Variants in INO80 observed in about 807,000 individuals in gnomAD.
The protein encoded by INO80 is chromatin-remodeling ATPase INO80.
Under a neutral mutation model 203.4 loss-of-function variants are expected in INO80, and 20 were observed. That is an observed-to-expected ratio of 0.10 (90% CI 0.07 to 0.14). The LOEUF is 0.14. Among genes scored for constraint, INO80 ranks in the 10% least tolerant of loss-of-function variants. INO80 has a pLI of 1.00. For synonymous variants in INO80, 726 were observed against 685.2 expected (o/e 1.06, Z -0.93); for missense variants, 1,419 against 1,914.4 (o/e 0.74, Z 4.83).
intron 21 of INO80, 130 bp downstream of exon 21, chr15:41,049,157 T>C (rs2044819266): frequency 8.4e-6 from 6 of 718,452 alleles, no homozygotes; most frequent in African/African-American, 5.5e-5. Flanking sequence ...CCTCAACAAA[T>C]AGTTGTCCAC....
chr15:41,047,303 G>T, intron 23 of INO80, 105 bp downstream of exon 23: 1 of 767,952 alleles, frequency 1.3e-6, no homozygotes, highest in Non-Finnish European at 2.1e-6. Flanking sequence ...TTAATGACAA[G>T]TTCTCTAAGA....
At chr15:41,043,609 C>T (rs1238377421) in intron 24 of INO80, among the ~76,000 whole-genome samples, 7 of 152,182 alleles carry the variant, frequency 4.6e-5, no homozygotes, top group South Asian at 2.1e-4. Context: ...AAAGAATGTC[C>T]TTCATTCTAC....
chr15:41,078,879 G>A (rs76666308), intron 9 of INO80, among the ~76,000 whole-genome samples: 7,563 of 152,216 alleles, frequency 0.05, 333 homozygotes, highest in East Asian at 0.22. Flanking sequence ...GGTGGCTCAC[G>A]CCTGTAATCT....
chr15:41,069,438 G>C (rs2045276959), intron 14 of INO80, 132 bp downstream of exon 14: 2 of 532,110 alleles, frequency 3.8e-6, no homozygotes, highest in East Asian at 6.6e-5. Context: ...CCAAAGTGCT[G>C]AGATTACAAG....
Position 41,031,912 on chromosome 15 carries a change from C to CCACAGCACAGCACAGCACAG in INO80, c.2908-4196_2908-4177dup, listed in dbSNP as rs1240339775. 1.0e-4 allele frequency among the ~76,000 whole-genome samples: 13 copies of CCACAGCACAGCACAGCACAG among 128,382 alleles called. 2 individuals are homozygous for CCACAGCACAGCACAGCACAG. The highest frequency in any genetic ancestry group is 2.4e-4 in the Admixed American group (3 of 12,720). 84.2% of individuals were successfully genotyped at this position (128,382 alleles called of 152,430 possible). A position where few individuals can be genotyped will look rare whatever the true frequency, so the allele number is the denominator to read the frequency against. On this transcript the variant is annotated intron_variant, in intron 24 of 35. Transcript: ENST00000648947. Reference sequence around the variant, plus strand: ...AGGCTCCATAGCTGCATACTCCTTGCCACAGCACAGCACAGCACAGCACAG... The same window carrying CCACAGCACAGCACAGCACAG: ...AGGCTCCATAGCTGCATACTCCTTGCCACAGCACAGCACAGCACAGCACAGCACAGCACAGCACAGCACAG...
intron 24 of INO80, among the ~76,000 whole-genome samples, chr15:41,036,253 G>A (rs2044574782): frequency 1.4e-5 from 2 of 147,342 alleles, no homozygotes; most frequent in African/African-American, 2.5e-5. Context: ...GAGATATCAA[G>A]TGTTTATTGT....
Position 41,095,843 on chromosome 15 carries a change from G to C in INO80, c.229C>G (p.Pro77Ala). Residue 77 changes from proline (P) to alanine (A), a missense_variant, in exon 3 of 36, where the codon CCA (proline) becomes GCA (alanine). Coordinates refer to ENST00000648947, the MANE Select transcript of INO80 (RefSeq NM_017553.3). ...GAAGTTTCACCAAGCAATGAATTTG[G>C]AGGTTCTTCCTTAACTTGTATTAAG... is the stretch of plus-strand genomic sequence containing the variant. ...DPLIQVKEEP[P>A]NSLLGETSGA... 6.2e-7 allele frequency: 1 copy of C among 1,614,066 alleles called. No individual in the cohort carries two copies. Among genetic ancestry groups the C allele is most frequent in the Non-Finnish European group, 8.5e-7 (1 of 1,179,956 alleles).
At chr15:41,093,516 C>T (rs1020605764) in intron 4 of INO80, among the ~76,000 whole-genome samples, 2 of 152,134 alleles carry the variant, frequency 1.3e-5, no homozygotes, top group African/African-American at 4.8e-5. Context: ...ACATTGTAAT[C>T]ATGGGTATAC....
At chr15:41,041,884 G>A (rs1008762766) in intron 24 of INO80, among the ~76,000 whole-genome samples, 18 of 149,482 alleles carry the variant, frequency 1.2e-4, no homozygotes, top group Admixed American at 2.0e-4. Context: ...ACTGAGGCTG[G>A]AGTACAGTGG....
intron 17 of INO80, 60 bp downstream of exon 17, chr15:41,056,562 C>T: frequency 8.0e-7 from 1 of 1,251,954 alleles, no homozygotes; most frequent in Non-Finnish European, 1.2e-6. Flanking sequence ...GAATTCTATG[C>T]TCTGCTGGAA....
chr15:41,115,035 T>C (rs1030116110), intron 1 of INO80, among the ~76,000 whole-genome samples: 4 of 152,220 alleles, frequency 2.6e-5, no homozygotes, highest in Non-Finnish European at 5.9e-5. Flanking sequence ...TTGAATCATA[T>C]TTCAATAAAG....
chr15:41,049,639 A>C (rs1364436998), intron 20 of INO80, among the ~76,000 whole-genome samples: 1 of 152,190 alleles, frequency 6.6e-6, no homozygotes, highest in African/African-American at 2.4e-5. Flanking sequence ...CTCACCCAGC[A>C]CTTTGGGAGG....
chr15:41,020,545 T>G (rs2044277531), intron 26 of INO80, among the ~76,000 whole-genome samples: 1 of 152,210 alleles, frequency 6.6e-6, no homozygotes, highest in Admixed American at 6.5e-5. Flanking sequence ...TGAGGCTTTC[T>G]GTGAGTGACG....
intron 11 of INO80, among the ~76,000 whole-genome samples, chr15:41,072,544 C>A (rs1414395513): frequency 1.3e-5 from 2 of 150,986 alleles, no homozygotes; most frequent in South Asian, 4.2e-4. Context: ...CATGGTGAAA[C>A]CCCGTCTCTA....
chr15:41,114,054 G>A (rs1210166804), intron 1 of INO80, among the ~76,000 whole-genome samples: 1 of 152,004 alleles, frequency 6.6e-6, no homozygotes, highest in East Asian at 1.9e-4. Flanking sequence ...GGATCACGAG[G>A]TCAGGGGCTC....
chr15:40,984,455 A>T, intron 32 of INO80, 103 bp from the exon 33 acceptor site: 1 of 1,062,354 alleles, frequency 9.4e-7, no homozygotes, highest in South Asian at 1.6e-5. Flanking sequence ...TCTTTAGTTT[A>T]TAAACTTCTC....
intron 28 of INO80, among the ~76,000 whole-genome samples, chr15:40,999,923 T>A (rs1386482730): frequency 6.6e-6 from 1 of 152,114 alleles, no homozygotes; most frequent in Non-Finnish European, 1.5e-5. Context: ...AGACCCTGCA[T>A]CTACATAAAA....
At chr15:41,113,446 T>C (rs938646615) in intron 1 of INO80, among the ~76,000 whole-genome samples, 2 of 152,008 alleles carry the variant, frequency 1.3e-5, no homozygotes, top group African/African-American at 2.4e-5. Flanking sequence ...TTTTGTATTT[T>C]TGGTAGAGTC....
At chr15:41,010,177 G>C (rs180708049) in intron 27 of INO80, among the ~76,000 whole-genome samples, 520 of 152,334 alleles carry the variant, frequency 3.4e-3, no homozygotes, top group Non-Finnish European at 6.1e-3. Flanking sequence ...CATGCAAACA[G>C]AGCTGCCAGC....
Sources: allele counts gnomAD v4.1 joint callset (sites outside exome capture counted in the v4.1 genomes callset), GRCh38; gene constraint gnomAD v4.1.1; transcripts MANE v1.5; gene names NCBI Gene and HGNC (gene_info 2026-07-23, HGNC 2026-07-21).